The following BAZ1A variants were observed in gnomAD, a reference collection of about 807,000 sequenced individuals.
BAZ1A encodes bromodomain adjacent to zinc finger domain protein 1A.
BAZ1A carries 50 observed loss-of-function variants against 185.2 expected under a neutral mutation model. That is an observed-to-expected ratio of 0.27 (90% CI 0.22 to 0.34). The LOEUF (loss-of-function observed/expected upper bound fraction) is 0.34, where lower values mean the gene tolerates loss of function less well. Among genes scored for constraint, BAZ1A ranks in the 10% least tolerant of loss-of-function variants. The pLI, the probability that BAZ1A is intolerant of heterozygous loss-of-function variation, is 1.00. For synonymous variants in BAZ1A, 571 were observed against 615.6 expected, an observed-to-expected ratio of 0.93 and a Z score of 1.07; for missense variants, 1,356 against 1,839.9, an observed-to-expected ratio of 0.74 and a Z score of 4.81.
chr14:34,863,557 C>G (rs931913979), intron 2 of BAZ1A, among the ~76,000 whole-genome samples: 2 of 152,072 alleles, frequency 1.3e-5, no homozygotes, highest in South Asian at 2.1e-4. Context: ...CCACCTGCCT[C>G]GGCCTCCCAA....
At chr14:34,820,595 TCA>T (rs1328715996) in intron 4 of BAZ1A, among the ~76,000 whole-genome samples, 3 of 152,224 alleles carry the variant, frequency 2.0e-5, no homozygotes, top group Non-Finnish European at 4.4e-5. Context: ...GTCCAGTTTA[TCA>T]GTTACTTCTT....
rs368815964 is a variant in BAZ1A, at chr14:34,784,367, C to CAAA, written c.1832-443_1832-441dup. On this transcript the variant is annotated intron_variant, in intron 14 of 26. Coordinates refer to ENST00000360310, the MANE Select transcript of BAZ1A (RefSeq NM_013448.3). Reference sequence around the variant, plus strand: ...TGGGCAACTGAGTGAGACTCTGTCTCAAAAAAAAAAAAAAAAAAAAAAAAA... The same window carrying CAAA: ...TGGGCAACTGAGTGAGACTCTGTCTCAAAAAAAAAAAAAAAAAAAAAAAAAAAA... Among the ~76,000 whole-genome samples, 33 of 77,172 alleles carry CAAA rather than the reference C, an allele frequency of 4.3e-4. 5 individuals are homozygous for CAAA. Among genetic ancestry groups the CAAA allele is most frequent in the African/African-American group, 1.7e-3 (28 of 16,416 alleles). The allele number at this position is 77,172 out of a possible 152,430, so 50.6% of individuals were successfully genotyped here. A position where few individuals can be genotyped will look rare whatever the true frequency, so the allele number is the denominator to read the frequency against.
intron 25 of BAZ1A, among the ~76,000 whole-genome samples, chr14:34,758,338 T>C (rs1418379836): frequency 6.6e-6 from 1 of 150,650 alleles, no homozygotes; most frequent in Non-Finnish European, 1.5e-5. Context: ...TCCCACCACT[T>C]TGGGGGGCCG....
intron 12 of BAZ1A, among the ~76,000 whole-genome samples, chr14:34,787,363 A>AAAAAAAAAAAAG (rs775338809): frequency 3.5e-5 from 4 of 112,796 alleles, no homozygotes; most frequent in African/African-American, 6.7e-5. Context: ...AAAAAAAAAA[A>AAAAAAAAAAAAG]AAAAAGAAAA....
At chr14:34,850,730 T>C (rs989226617) in intron 3 of BAZ1A, among the ~76,000 whole-genome samples, 1 of 152,226 alleles carries the variant, frequency 6.6e-6, no homozygotes, top group African/African-American at 2.4e-5. Flanking sequence ...GCCACTTCTC[T>C]GTAGCAAGTA....
chr14:34,774,104 T>G (rs1426140142), intron 19 of BAZ1A, among the ~76,000 whole-genome samples: 1 of 152,172 alleles, frequency 6.6e-6, no homozygotes, highest in East Asian at 1.9e-4. Flanking sequence ...CAGGGGCTAG[T>G]CAAGGAAGAA....
chr14:34,870,392 C>T (rs2042932132), intron 2 of BAZ1A, among the ~76,000 whole-genome samples: 1 of 152,168 alleles, frequency 6.6e-6, no homozygotes, highest in South Asian at 2.1e-4. Flanking sequence ...ATCCAACTTC[C>T]TTTGAAAACC....
chr14:34,826,621 G>A (rs950231492), intron 3 of BAZ1A, among the ~76,000 whole-genome samples: 2 of 152,062 alleles, frequency 1.3e-5, no homozygotes, highest in African/African-American at 4.8e-5. Flanking sequence ...TTGCTCCACT[G>A]GTTAAGAGTG....
chr14:34,864,449 A>G (rs2042821853), intron 2 of BAZ1A, among the ~76,000 whole-genome samples: 1 of 151,396 alleles, frequency 6.6e-6, no homozygotes, highest in South Asian at 2.1e-4. Context: ...AGTCCTGTTT[A>G]AATTTTTTTA....
At chr14:34,795,986 C>A (rs1030082449) in intron 9 of BAZ1A, among the ~76,000 whole-genome samples, 1 of 151,970 alleles carries the variant, frequency 6.6e-6, no homozygotes, top group Non-Finnish European at 1.5e-5. Context: ...AAAATAATAC[C>A]TATCAAAATA....
intron 3 of BAZ1A, among the ~76,000 whole-genome samples, chr14:34,831,932 C>T (rs909216456): frequency 3.3e-5 from 5 of 151,952 alleles, no homozygotes; most frequent in African/African-American, 1.2e-4. Flanking sequence ...TGCGACAGAT[C>T]ACACCTAATC....
chr14:34,871,762 A>T, intron 2 of BAZ1A, among the ~76,000 whole-genome samples: 1 of 152,264 alleles, frequency 6.6e-6, no homozygotes, highest in East Asian at 1.9e-4. Flanking sequence ...AATTCCAGCT[A>T]CTCGGGAGGC....
intron 17 of BAZ1A, 122 bp downstream of exon 17, chr14:34,780,064 C>T (rs1879936024): frequency 2.2e-6 from 3 of 1,375,726 alleles, no homozygotes; most frequent in Non-Finnish European, 3.0e-6. Flanking sequence ...TTTAAAAAAA[C>T]AAACACAGCC....
chr14:34,840,051 A>G (rs183940093), intron 3 of BAZ1A, among the ~76,000 whole-genome samples: 1 of 152,296 alleles, frequency 6.6e-6, no homozygotes, highest in East Asian at 1.9e-4. Flanking sequence ...ACTTAGAATA[A>G]AAGCTTATCT....
rs554820898 is a variant in BAZ1A at position 34,761,927 on chromosome 14, C to T, written c.4073G>A (p.Arg1358His). The T allele has an allele frequency of 7.4e-6, 12 of 1,614,196 alleles. No individual in the cohort carries two copies. In the African/African-American group the frequency reaches 8.0e-5, roughly 11 times the overall value. ...FVELLSPRRKRRGRKSANNTP... is the reference protein window; with the variant it reads ...FVELLSPRRKHRGRKSANNTP... ...ATTATTAGCACTTTTCCTGCCTCTG[C>T]GTTTTCTACGAGGACTAAGCAATTC... The change falls in exon 24 of 27, where the codon CGC becomes CAC. Residue 1358 changes from arginine (R) to histidine (H), a missense_variant. By Grantham distance (29) the Arg-to-His change is conservative. Around this residue, in one of 7 missense-constraint regions of BAZ1A, gnomAD observed 309 missense variants for 355.3 expected, o/e 0.87. Transcript: ENST00000360310.
At chr14:34,873,857 G>A (rs1167734479) in intron 2 of BAZ1A, among the ~76,000 whole-genome samples, 1 of 152,180 alleles carries the variant, frequency 6.6e-6, no homozygotes, top group African/African-American at 2.4e-5. Flanking sequence ...CGGACGGGAG[G>A]CCGCGGACGG....
chr14:34,763,173 C>G (rs1383695797), intron 23 of BAZ1A, among the ~76,000 whole-genome samples: 1 of 152,154 alleles, frequency 6.6e-6, no homozygotes, highest in African/African-American at 2.4e-5. Flanking sequence ...CCTGGACTTC[C>G]AGTTTATCCC....
intron 3 of BAZ1A, among the ~76,000 whole-genome samples, chr14:34,827,949 G>C (rs2042186930): frequency 6.6e-6 from 1 of 151,818 alleles, no homozygotes; most frequent in Admixed American, 6.6e-5. Context: ...TCTGCATACT[G>C]TATCTGGATT....
At chr14:34,763,452 G>C (rs1331541629) in intron 23 of BAZ1A, among the ~76,000 whole-genome samples, 30 of 151,570 alleles carry the variant, frequency 2.0e-4, no homozygotes, top group Admixed American at 2.0e-3. Context: ...GGGGGAGGGG[G>C]ATGATAAGAA....
Sources: allele counts gnomAD v4.1 joint callset (sites outside exome capture counted in the v4.1 genomes callset), GRCh38; gene constraint gnomAD v4.1.1; regional missense constraint gnomAD v4.1.1; transcripts MANE v1.5; gene names NCBI Gene and HGNC (gene_info 2026-07-23, HGNC 2026-07-21).